The following TMPRSS7 variants were observed in gnomAD, a reference collection of about 807,000 sequenced individuals.
TMPRSS7 encodes transmembrane serine protease 7.
Under a neutral mutation model 95.6 loss-of-function variants are expected in TMPRSS7, and 81 were observed. The observed-to-expected ratio is 0.85, with a 90% CI of 0.71 to 1.02. TMPRSS7 has a LOEUF of 1.02. TMPRSS7 is among the 50% of genes least tolerant of loss of function. TMPRSS7 has a pLI of 0.00. For synonymous variants in TMPRSS7, 364 were observed against 337.8 expected (o/e 1.08, Z -0.85); for missense variants, 945 against 955.2 (o/e 0.99, Z 0.14).
chr3:112,077,096 A>C (rs1444151013), exon 16 of TMPRSS7: 1 of 1,614,136 alleles, frequency 6.2e-7, no homozygotes, highest in South Asian at 1.1e-5. Context: ...GAGAGTTCGC[A>C]GTGGGGAGAA....
intron 13 of TMPRSS7, among the ~76,000 whole-genome samples, chr3:112,071,642 T>A (rs965829579): frequency 6.6e-6 from 1 of 152,202 alleles, no homozygotes; most frequent in African/African-American, 2.4e-5. Flanking sequence ...ACCTTGTTCA[T>A]TTCTTTTTAC....
At chr3:112,052,199 G>A (rs1044013989) in intron 9 of TMPRSS7, among the ~76,000 whole-genome samples, 4 of 152,142 alleles carry the variant, frequency 2.6e-5, no homozygotes, top group African/African-American at 9.7e-5. Context: ...TTAGGTGTTT[G>A]TTATCTTAAA....
chr3:112,047,406 A>G (rs1355765430), intron 6 of TMPRSS7: 2 of 564,328 alleles, frequency 3.5e-6, no homozygotes, highest in East Asian at 8.5e-5. Flanking sequence ...TTGCTCTTGC[A>G]GAAGTCCTGG....
chr3:112,072,626 C>A (rs1576121350), intron 13 of TMPRSS7, among the ~76,000 whole-genome samples: 1 of 152,372 alleles, frequency 6.6e-6, no homozygotes, highest in Admixed American at 6.5e-5. Context: ...TGGGCTCCAC[C>A]CAGTTTGAGC....
chr3:112,042,169 G>A (rs754337816), intron 3 of TMPRSS7, 119 bp downstream of exon 3: 3 of 684,274 alleles, frequency 4.4e-6, no homozygotes, highest in Non-Finnish European at 7.2e-6. Flanking sequence ...TAGAGGGCAG[G>A]GTAGACAAAG....
At chr3:112,076,474 A>G (rs1352862933) in intron 15 of TMPRSS7, among the ~76,000 whole-genome samples, 1 of 152,232 alleles carries the variant, frequency 6.6e-6, no homozygotes, top group Non-Finnish European at 1.5e-5. Flanking sequence ...TATTCATATC[A>G]TTTGAATTTG....
intron 9 of TMPRSS7, among the ~76,000 whole-genome samples, chr3:112,055,458 CACACACAG>C (rs1192934428): frequency 1.3e-5 from 2 of 151,646 alleles, no homozygotes; most frequent in Non-Finnish European, 2.9e-5. Flanking sequence ...TGCGCAGACA[CACACACAG>C]ACACACACAC....
At chr3:112,055,109 A>G (rs1195438020) in intron 9 of TMPRSS7, among the ~76,000 whole-genome samples, 1 of 152,110 alleles carries the variant, frequency 6.6e-6, no homozygotes, top group Non-Finnish European at 1.5e-5. Flanking sequence ...ATGTGTTCTT[A>G]TGAGCCCTGG....
exon 17 of TMPRSS7, chr3:112,078,829 C>T (rs1234455284): frequency 6.2e-7 from 1 of 1,614,062 alleles, no homozygotes; most frequent in Non-Finnish European, 8.5e-7. Context: ...ATCATCACTT[C>T]TCGGATGCTC....
intron 4 of TMPRSS7, among the ~76,000 whole-genome samples, chr3:112,045,529 G>A (rs2073266892): frequency 6.6e-6 from 1 of 152,222 alleles, no homozygotes; most frequent in Non-Finnish European, 1.5e-5. Flanking sequence ...CAACTCTACA[G>A]TAATGGTTTT....
At chr3:112,038,469 G>T (rs1280321515) in intron 2 of TMPRSS7, 148 bp downstream of exon 2, 1 of 595,836 alleles carries the variant, frequency 1.7e-6, no homozygotes, top group Admixed American at 3.0e-5. Flanking sequence ...GGTGTTGATG[G>T]TTTTTTATTA....
exon 7 of TMPRSS7, chr3:112,047,755 G>A (rs2073297471): frequency 6.2e-7 from 1 of 1,613,256 alleles, no homozygotes; most frequent in Non-Finnish European, 8.5e-7. Context: ...GCTGCTCTCA[G>A]TACTTCTATG....
At chr3:112,060,117 T>TA (rs1391196553) in intron 10 of TMPRSS7, among the ~76,000 whole-genome samples, 1 of 152,144 alleles carries the variant, frequency 6.6e-6, no homozygotes, top group Non-Finnish European at 1.5e-5. Context: ...AGCAAGTTTT[T>TA]ATTAGTGATT....
intron 3 of TMPRSS7, 86 bp downstream of exon 3, chr3:112,042,136 C>A: frequency 8.8e-7 from 1 of 1,132,622 alleles, no homozygotes; most frequent in Non-Finnish European, 1.3e-6. Context: ...ACAAGTGTCA[C>A]AGGTGAGCAG....
At chr3:112,044,462 G>A in intron 4 of TMPRSS7, 140 bp downstream of exon 4, 1 of 704,170 alleles carries the variant, frequency 1.4e-6, no homozygotes, top group African/African-American at 1.8e-5. Flanking sequence ...AGCACAACTA[G>A]CGACTCAACT....
intron 1 of TMPRSS7, 39 bp from the exon 2 acceptor site, chr3:112,038,033 C>T (rs1054747474): frequency 2.0e-5 from 14 of 698,590 alleles, no homozygotes; most frequent in African/African-American, 1.6e-4. Context: ...ATCCTGTCTA[C>T]TTCTACTTGG....
intron 13 of TMPRSS7, among the ~76,000 whole-genome samples, chr3:112,072,843 CT>C (rs956943456): frequency 6.6e-6 from 1 of 152,238 alleles, no homozygotes; most frequent in African/African-American, 2.4e-5. Flanking sequence ...GGTTCCAAAT[CT>C]TTGCTATTGT....
At chr3:112,070,243 C>T (rs2073626299) in intron 13 of TMPRSS7, among the ~76,000 whole-genome samples, 1 of 152,190 alleles carries the variant, frequency 6.6e-6, no homozygotes, top group African/African-American at 2.4e-5. Flanking sequence ...GAGTGCTTTA[C>T]TTCCAATTAT....
At chr3:112,055,429 T>C (rs1310294196) in intron 9 of TMPRSS7, among the ~76,000 whole-genome samples, 2 of 140,358 alleles carry the variant, frequency 1.4e-5, no homozygotes, top group African/African-American at 5.1e-5. Context: ...CAAATGCACA[T>C]TGGAAACAAG....
Sources: gnomAD v4.1 joint callset for allele counts (sites outside exome capture counted in the v4.1 genomes callset) on GRCh38, gnomAD v4.1.1 for gene constraint, MANE v1.5 for transcripts, NCBI Gene and HGNC (gene_info 2026-07-23, HGNC 2026-07-21) for gene names.